Variants in RBM6 observed in about 807,000 individuals in gnomAD.
RBM6 encodes RNA binding motif protein 6, also known as RNA-binding protein 6.
In RBM6, 23 loss-of-function variants were observed where a neutral mutation model predicts 140.4. That is an observed-to-expected ratio of 0.16 (90% confidence interval 0.12 to 0.23). RBM6 has a LOEUF of 0.23. RBM6 is among the 10% of genes least tolerant of loss of function. The pLI, the probability that RBM6 is intolerant of heterozygous loss-of-function variation, is 1.00. For missense variants in RBM6, 1,139 were observed against 1,386.7 expected, an observed-to-expected ratio of 0.82 and a Z score of 2.84; for synonymous variants, 439 against 475.6, an observed-to-expected ratio of 0.92 and a Z score of 1.00.
chr3:50,045,011 G>A (rs2089149640), intron 6 of RBM6, among the ~76,000 whole-genome samples: 1 of 152,146 alleles, frequency 6.6e-6, no homozygotes, highest in Non-Finnish European at 1.5e-5. Context: ...ACTATGTGCA[G>A]GTTGAGAAAA....
intron 6 of RBM6, among the ~76,000 whole-genome samples, chr3:50,034,135 C>T (rs1168943289): frequency 6.8e-6 from 1 of 146,430 alleles, no homozygotes; most frequent in Non-Finnish European, 1.5e-5. Context: ...CTCTTGTTGC[C>T]ACCACACTCA....
chr3:50,057,940 T>C lies in RBM6; in HGVS notation c.1906T>C (p.Phe636Leu), dbSNP rs772360351. 2.5e-6 allele frequency: 4 copies of C among 1,614,050 alleles called. No homozygotes were observed. In the South Asian group the frequency reaches 4.4e-5, roughly 18 times the overall value. Reference protein sequence around the residue: ...LPPSRREGPTFRRDRERESWS... With the variant: ...LPPSRREGPTLRRDRERESWS... ...TCCTTCTCGAAGGGAAGGGCCAACT[T>C]TCCGAAGAGACCGAGAGAGGGAGTC... The change falls in exon 9 of 21, where the codon TTC becomes CTC. Residue 636 changes from phenylalanine (F) to leucine (L), a missense_variant. Coordinates refer to ENST00000266022, the MANE Select transcript of RBM6 (RefSeq NM_005777.3).
chr3:50,043,480 C>G (rs2089040116), intron 6 of RBM6, among the ~76,000 whole-genome samples: 1 of 98,864 alleles, frequency 1.0e-5, no homozygotes, highest in Non-Finnish European at 1.9e-5. Flanking sequence ...AGAGCAAGAC[C>G]CTGTCTCAAA....
At chr3:50,034,995 C>CTCCTCT (rs147033921) in intron 6 of RBM6, among the ~76,000 whole-genome samples, 2 of 126,750 alleles carry the variant, frequency 1.6e-5, no homozygotes, top group African/African-American at 3.0e-5. Flanking sequence ...CTCTCCTCTT[C>CTCCTCT]CCTCTCCTCT....
chr3:50,017,160 A>G (rs2087208431), intron 6 of RBM6, among the ~76,000 whole-genome samples: 1 of 152,084 alleles, frequency 6.6e-6, no homozygotes, highest in African/African-American at 2.4e-5. Flanking sequence ...TCTGATAATT[A>G]TTGATGTTGA....
chr3:50,048,385 G>A (rs2089313704), intron 7 of RBM6, 66 bp downstream of exon 7: 1 of 1,567,248 alleles, frequency 6.4e-7, no homozygotes, highest in East Asian at 2.3e-5. Flanking sequence ...CATATCTCTA[G>A]GAAGGCTGCC....
intron 1 of RBM6, among the ~76,000 whole-genome samples, chr3:49,960,845 C>T (rs1490714262): frequency 6.6e-6 from 1 of 151,244 alleles, no homozygotes; most frequent in African/African-American, 2.4e-5. Flanking sequence ...TCAGTAAATA[C>T]TTACTTCATG....
At chr3:49,974,373 ATTTTTTTT>A (rs762062224) in intron 4 of RBM6, among the ~76,000 whole-genome samples, 1 of 139,682 alleles carries the variant, frequency 7.2e-6, no homozygotes, top group African/African-American at 2.6e-5. Context: ...CTCCTGGCTA[ATTTTTTTT>A]TTTTTTTTGA....
chr3:50,061,044 AC>A, intron 12 of RBM6, 46 bp downstream of exon 12: 1 of 1,595,288 alleles, frequency 6.3e-7, no homozygotes. Context: ...TCCTCAGGTG[AC>A]TATAAGGGTG....
chr3:50,028,972 G>T (rs1297528287), intron 6 of RBM6, among the ~76,000 whole-genome samples: 1 of 152,148 alleles, frequency 6.6e-6, no homozygotes. Context: ...ATAGCAATTA[G>T]TAGATACTAT....
chr3:50,037,746 C>T (rs928188616), intron 6 of RBM6, among the ~76,000 whole-genome samples: 2 of 151,952 alleles, frequency 1.3e-5, no homozygotes, highest in South Asian at 2.1e-4. Flanking sequence ...TCAAGCAGTT[C>T]TCCCACCTTG....
chr3:50,018,579 G>GTTTT (rs2087298085), intron 6 of RBM6, among the ~76,000 whole-genome samples: 1 of 124,004 alleles, frequency 8.1e-6, no homozygotes, highest in Admixed American at 8.9e-5. Context: ...TGGTAGGAGT[G>GTTTT]TGTTTTTTTT....
chr3:50,049,234 G>T (rs1384173237), intron 7 of RBM6, among the ~76,000 whole-genome samples: 1 of 151,542 alleles, frequency 6.6e-6, no homozygotes, highest in Non-Finnish European at 1.5e-5. Context: ...CCAGCCTCCC[G>T]AGTAGCTAGG....
intron 1 of RBM6, chr3:49,941,053 C>G (rs1429021589): frequency 6.6e-6 from 1 of 151,974 alleles, no homozygotes; most frequent in Non-Finnish European, 1.5e-5. Flanking sequence ...TCACCTGGTT[C>G]ATTTTCTGAA....
At chr3:49,976,273 A>G (rs1450547833) in intron 5 of RBM6, among the ~76,000 whole-genome samples, 1 of 152,162 alleles carries the variant, frequency 6.6e-6, no homozygotes, top group Non-Finnish European at 1.5e-5. Flanking sequence ...TGGGATAAAA[A>G]TTTTGCATTA....
chr3:49,961,935 T>C (rs968759820), intron 1 of RBM6, among the ~76,000 whole-genome samples: 1 of 149,012 alleles, frequency 6.7e-6, no homozygotes, highest in Non-Finnish European at 1.5e-5. Flanking sequence ...GCGGGCGGAC[T>C]GCTTGAGCTC....
At chr3:49,984,991 T>C (rs1159742422) in intron 5 of RBM6, among the ~76,000 whole-genome samples, 1 of 152,216 alleles carries the variant, frequency 6.6e-6, no homozygotes, top group Non-Finnish European at 1.5e-5. Context: ...CCTCTGTCAG[T>C]TCCACTGCCT....
chr3:50,052,237 G>T (rs988477475), intron 7 of RBM6, among the ~76,000 whole-genome samples: 71 of 152,224 alleles, frequency 4.7e-4, no homozygotes, highest in Admixed American at 5.9e-4. Context: ...GCTAATTTTT[G>T]TATTTTTAAT....
chr3:50,075,103 C>A, intron 19 of RBM6, 98 bp from the exon 20 acceptor site: 1 of 1,398,460 alleles, frequency 7.2e-7, no homozygotes, highest in Non-Finnish European at 9.7e-7. Flanking sequence ...TTGCAGTAAG[C>A]TGAGTTCGAG....
Sources: gnomAD v4.1 joint callset for allele counts (sites outside exome capture counted in the v4.1 genomes callset) on GRCh38, gnomAD v4.1.1 for gene constraint, MANE v1.5 for transcripts, NCBI Gene and HGNC (gene_info 2026-07-23, HGNC 2026-07-21) for gene names.